MIA2: variants seen among roughly 807,000 people sequenced by gnomAD.
The protein encoded by MIA2 is melanoma inhibitory activity protein 2.
MIA2 carries 127 observed loss-of-function variants against 167.8 expected under a neutral mutation model. The ratio of observed to expected loss-of-function variants is 0.76; its 90% CI spans 0.66 to 0.88. The LOEUF (loss-of-function observed/expected upper bound fraction) is 0.88. Ranked by LOEUF, MIA2 falls within the 40% of genes least tolerant of loss-of-function variation. The pLI, the probability that MIA2 is intolerant of heterozygous loss-of-function variation, is 0.00. For synonymous variants in MIA2, 552 were observed against 541.9 expected (o/e 1.02, Z -0.26); for missense variants, 1,690 against 1,624.7 (o/e 1.04, Z -0.69).
intron 23 of MIA2, among the ~76,000 whole-genome samples, chr14:39,358,248 G>A (rs1023465158): frequency 2.0e-4 from 31 of 152,168 alleles, no homozygotes; most frequent in East Asian, 9.7e-4. Flanking sequence ...GGCTTTGTTC[G>A]TTTCTTTTTA....
chr14:39,296,447 G>A (rs552877825), intron 13 of MIA2, among the ~76,000 whole-genome samples: 1 of 151,676 alleles, frequency 6.6e-6, no homozygotes, highest in Admixed American at 6.6e-5. Context: ...TTTCCTCCTG[G>A]AAGCTTTTAA....
chr14:39,274,299 G>A (rs1315719811), intron 6 of MIA2, among the ~76,000 whole-genome samples: 1 of 152,056 alleles, frequency 6.6e-6, no homozygotes, highest in East Asian at 1.9e-4. Flanking sequence ...CTATGTTTTT[G>A]TGAGATAGGG....
At chr14:39,250,586 C>A (rs908647207) in intron 4 of MIA2, among the ~76,000 whole-genome samples, 2 of 151,918 alleles carry the variant, frequency 1.3e-5, no homozygotes, top group Non-Finnish European at 2.9e-5. Context: ...ATCCCAGCTA[C>A]TTGGGAGGCT....
In MIA2 at chr14:39,252,792, G is replaced by A; in HGVS notation, c.1612G>A (p.Val538Ile). 1.2e-6 allele frequency: 2 copies of A among 1,613,708 alleles called. No individual in the cohort carries two copies. The highest frequency in any genetic ancestry group is 1.7e-6 in the Non-Finnish European group (2 of 1,179,770). Residue 538 changes from valine (V) to isoleucine (I), a missense_variant, in exon 5 of 29, where the codon GTA becomes ATA. By Grantham distance (29) the Val-to-Ile change is conservative. Coordinates refer to ENST00000640607, the MANE Select transcript of MIA2 (RefSeq NM_001329214.4). ...GTTACCTACGAGAATTCACGAAGAA[G>A]TATATTTTGAACCCTCATCTTCTAA... ...IELPTRIHEE[V>I]YFEPSSSKDS... is the part of the protein sequence containing the mutation.
chr14:39,330,353 C>T (rs2068546866), intron 25 of MIA2, among the ~76,000 whole-genome samples: 1 of 152,040 alleles, frequency 6.6e-6, no homozygotes, highest in Non-Finnish European at 1.5e-5. Context: ...TTTGATTCTT[C>T]TCTCTTTTCT....
chr14:39,375,779 AT>A (rs1312630706), intron 23 of MIA2, among the ~76,000 whole-genome samples: 2 of 152,224 alleles, frequency 1.3e-5, no homozygotes, highest in African/African-American at 4.8e-5. Flanking sequence ...ATATTTTGTT[AT>A]TGCTTCACTG....
intron 17 of MIA2, among the ~76,000 whole-genome samples, chr14:39,306,396 T>G (rs2063345103): frequency 6.6e-6 from 1 of 152,074 alleles, no homozygotes. Flanking sequence ...AGGGGTAGCT[T>G]CCTTACATGG....
intron 23 of MIA2, among the ~76,000 whole-genome samples, chr14:39,381,739 A>G (rs1214970732): frequency 6.7e-6 from 1 of 148,812 alleles, no homozygotes; most frequent in East Asian, 2.0e-4. Flanking sequence ...TACTCCTCCT[A>G]ATTTGGAATG....
At chr14:39,259,287 G>A (rs2054966753) in intron 6 of MIA2, among the ~76,000 whole-genome samples, 1 of 152,194 alleles carries the variant, frequency 6.6e-6, no homozygotes, top group African/African-American at 2.4e-5. Flanking sequence ...CTTCAGAGAT[G>A]CCCTGACCAG....
chr14:39,276,457 T>C (rs1440606646), intron 6 of MIA2: 1 of 155,484 alleles, frequency 6.4e-6, no homozygotes, highest in African/African-American at 2.4e-5. Flanking sequence ...ATCAGTGGTG[T>C]TCAAAACTTG....
intron 6 of MIA2, among the ~76,000 whole-genome samples, chr14:39,271,446 C>T (rs1341191773): frequency 5.3e-5 from 8 of 152,018 alleles, no homozygotes; most frequent in East Asian, 1.9e-4. Flanking sequence ...TGTTTATCCA[C>T]GTTCTTTTTC....
At position 39,247,588 on chromosome 14, in the gene MIA2, A is replaced by C. The variant is rs766406484; in HGVS notation, c.1014A>C (p.Leu338=). The change falls in exon 4 of 29, where the codon CTA becomes CTC. Residue 338 remains leucine, a synonymous_variant. Coordinates refer to ENST00000640607, the MANE Select transcript of MIA2 (RefSeq NM_001329214.4). ...ELIAEESNPP[L]QDFPNSISSD... ...TAGCTGAAGAAAGCAATCCACCACT[A>C]CAAGATTTTCCCAATTCCATATCAT... 2 of 1,614,072 alleles carry C rather than the reference A, an allele frequency of 1.2e-6. No individual in the cohort carries two copies. The highest frequency in any genetic ancestry group is 3.3e-5 in the Admixed American group (2 of 60,012).
chr14:39,257,237 T>C (rs1374884246), intron 6 of MIA2, among the ~76,000 whole-genome samples: 2 of 152,198 alleles, frequency 1.3e-5, no homozygotes, highest in Non-Finnish European at 1.5e-5. Context: ...GTTGTAGGTC[T>C]CTAAGAACTT....
At chr14:39,283,149 T>TA (rs2059181690) in intron 9 of MIA2, among the ~76,000 whole-genome samples, 1 of 152,214 alleles carries the variant, frequency 6.6e-6, no homozygotes, top group Non-Finnish European at 1.5e-5. Flanking sequence ...CATTGATAGA[T>TA]ACCTAGGTTG....
At position 39,385,463 on chromosome 14, in the gene MIA2, C is replaced by G; in HGVS notation, c.2249-1422C>G. The G allele has an allele frequency of 4.5e-6, 5 of 1,122,962 alleles. No individual in the cohort carries two copies. In the South Asian group the frequency reaches 6.2e-5, roughly 14 times the overall value. The allele number at this position is 1,122,962 out of a possible 1,614,324, so 69.6% of individuals were successfully genotyped here. Reference sequence around the variant, plus strand: ...ATCATCAGTCTTGGGTCAATCAACTCTCTCCAAAATACAGTGATCTTGCTC... The same window carrying G: ...ATCATCAGTCTTGGGTCAATCAACTGTCTCCAAAATACAGTGATCTTGCTC... On this transcript the variant is annotated intron_variant, in intron 23 of 23. Coordinates refer to the MIA2 transcript ENST00000341502.
In MIA2 at chr14:39,374,713, G is replaced by T. The variant is rs538402055; in HGVS notation, c.2249-12172G>T. Among the ~76,000 whole-genome samples, 194 of 152,308 alleles carry T rather than the reference G, an allele frequency of 1.3e-3. 1 individual carries two copies. Among genetic ancestry groups the T allele is most frequent in the Middle Eastern group, 6.8e-3 (2 of 294 alleles). ...AGGTATGTGTTCACATGGAAATTAG[G>T]CAGCTATTTAACAGGTCTGAGGGAT... On this transcript the variant is annotated intron_variant, in intron 23 of 23. Coordinates refer to the MIA2 transcript ENST00000341502.
Position 39,247,002 on chromosome 14 carries a change from C to T in MIA2, c.428C>T (p.Pro143Leu). Residue 143 changes from proline to leucine, a missense_variant, in exon 4 of 29, where the codon CCT (proline) becomes CTT (leucine). Transcript: ENST00000640607. The stretch of plus-strand genomic sequence containing the variant: ...GGTGATTATGGTGAAAATATATATC[C>T]TTATGAAGAAGATAAAGATGAAAAA... ...LNGDYGENIY[P>L]YEEDKDEKSS... The T allele has an allele frequency of 1.3e-6, 2 of 1,581,904 alleles. No individual in the cohort carries two copies. Among genetic ancestry groups the T allele is most frequent in the Non-Finnish European group, 1.7e-6 (2 of 1,167,364 alleles).
Position 39,247,665 on chromosome 14 carries a change from A to G in MIA2, c.1091A>G (p.Asp364Gly). The change falls in exon 4 of 29, where the codon GAC becomes GGC. Residue 364 changes from aspartate (D) to glycine (G), a missense_variant. Asp to Gly is a moderately conservative substitution (Grantham distance 94). Coordinates refer to ENST00000640607, the MANE Select transcript of MIA2 (RefSeq NM_001329214.4). ...ACAGAAATATTAACAGAAAAAAAAGACACAATCACTAATGATAGCTTGAGT... is the reference window on the plus strand; with the variant it reads ...ACAGAAATATTAACAGAAAAAAAAGGCACAATCACTAATGATAGCTTGAGT... ...PCTEILTEKK[D>G]TITNDSLSLK... The G allele has an allele frequency of 6.2e-7, 1 of 1,610,994 alleles. No individual in the cohort carries two copies. The highest frequency in any genetic ancestry group is 8.5e-7 in the Non-Finnish European group (1 of 1,179,254).
At chr14:39,288,780 G>A (rs1326112639) in intron 9 of MIA2, among the ~76,000 whole-genome samples, 2 of 151,748 alleles carry the variant, frequency 1.3e-5, no homozygotes, top group Non-Finnish European at 2.9e-5. Context: ...TATTAAACCG[G>A]CTTTGCATGC....
Sources: gnomAD v4.1 joint callset for allele counts (sites outside exome capture counted in the v4.1 genomes callset) on GRCh38, gnomAD v4.1.1 for gene constraint, MANE v1.5 for transcripts, NCBI Gene and HGNC (gene_info 2026-07-23, HGNC 2026-07-21) for gene names.